Variants in SRD5A2 observed in about 807,000 individuals in gnomAD.
The protein encoded by SRD5A2 is 3-oxo-5-alpha-steroid 4-dehydrogenase 2.
Under a neutral mutation model 27.4 loss-of-function variants are expected in SRD5A2, and 30 were observed. The observed-to-expected ratio is 1.10, with a 90% confidence interval of 0.82 to 1.49. The LOEUF (loss-of-function observed/expected upper bound fraction) is 1.49, where lower values mean the gene tolerates loss of function less well. SRD5A2 is among the 40% of genes most tolerant of loss of function. The pLI is 0.00. For missense variants in SRD5A2, 348 were observed against 323.4 expected (o/e 1.08, Z -0.58); for synonymous variants, 141 against 133.6 (o/e 1.06, Z -0.38).
At chr2:31,589,619 C>T in the SRD5A2 span, among the ~76,000 whole-genome samples, 1 of 152,194 alleles carries the variant, frequency 6.6e-6, no homozygotes, top group South Asian at 2.1e-4. Context: ...CTGGCCTCAT[C>T]TCACAGAGAT....
the SRD5A2 span, among the ~76,000 whole-genome samples, chr2:31,633,791 C>G: frequency 6.6e-6 from 1 of 152,082 alleles, no homozygotes; most frequent in Non-Finnish European, 1.5e-5. Context: ...CTAAGAATCC[C>G]TAAGCCTAGC....
intron 1 of SRD5A2, among the ~76,000 whole-genome samples, chr2:31,536,088 C>T (rs1246671306): frequency 1.3e-5 from 2 of 152,166 alleles, no homozygotes; most frequent in Non-Finnish European, 2.9e-5. Flanking sequence ...GTAACTGATA[C>T]AGGATTGTTG....
chr2:31,609,483 C>T, the SRD5A2 span, among the ~76,000 whole-genome samples: 2 of 152,102 alleles, frequency 1.3e-5, no homozygotes, highest in Non-Finnish European at 2.9e-5. Context: ...AACTGATTTT[C>T]AACAAGGTTG....
chr2:31,651,971 GT>G, the SRD5A2 span: 1 of 152,882 alleles, frequency 6.5e-6, no homozygotes, highest in Non-Finnish European at 1.5e-5. Flanking sequence ...CTGAGTCACA[GT>G]TTTTCTTTTC....
the SRD5A2 span, among the ~76,000 whole-genome samples, chr2:31,642,297 A>G: frequency 6.6e-6 from 1 of 152,088 alleles, no homozygotes; most frequent in Non-Finnish European, 1.5e-5. Context: ...AACTTCAAGA[A>G]GAAAACATAG....
At chr2:31,563,064 T>C (rs1350478991) in intron 1 of SRD5A2, 1 of 152,164 alleles carries the variant, frequency 6.6e-6, no homozygotes, top group Admixed American at 6.6e-5. Flanking sequence ...CTTTATCTCC[T>C]ACTCTATAGT....
chr2:31,610,665 A>T, the SRD5A2 span, among the ~76,000 whole-genome samples: 1 of 152,318 alleles, frequency 6.6e-6, no homozygotes, highest in African/African-American at 2.4e-5. Context: ...AGAAATAAAA[A>T]GCATTCACAC....
intron 1 of SRD5A2, among the ~76,000 whole-genome samples, chr2:31,577,367 T>C (rs538916217): frequency 2.4e-4 from 36 of 152,160 alleles, no homozygotes; most frequent in Non-Finnish European, 4.7e-4. Context: ...AAGTAATTGC[T>C]AGCTCTCCTA....
the SRD5A2 span, among the ~76,000 whole-genome samples, chr2:31,640,177 C>G: frequency 1.7e-4 from 26 of 150,456 alleles, no homozygotes; most frequent in Non-Finnish European, 3.5e-4. Context: ...TTTCTCAGTT[C>G]TCAGCTGTGT....
At chr2:31,586,284 G>T in the SRD5A2 span, among the ~76,000 whole-genome samples, 23 of 152,254 alleles carry the variant, frequency 1.5e-4, no homozygotes, top group African/African-American at 5.1e-4. Context: ...TCTAGTCCCT[G>T]ACTCCTAGAC....
At chr2:31,624,747 C>A in the SRD5A2 span, among the ~76,000 whole-genome samples, 9 of 152,128 alleles carry the variant, frequency 5.9e-5, no homozygotes, top group South Asian at 4.1e-4. Flanking sequence ...TTTCTTAATC[C>A]AGTCTATCAT....
At chr2:31,618,318 A>G in the SRD5A2 span, among the ~76,000 whole-genome samples, 5 of 152,210 alleles carry the variant, frequency 3.3e-5, no homozygotes, top group Non-Finnish European at 7.3e-5. Flanking sequence ...GTGGGAACAC[A>G]GCCAAACCAT....
At chr2:31,560,634 T>C (rs2148088638) in intron 1 of SRD5A2, among the ~76,000 whole-genome samples, 1 of 152,310 alleles carries the variant, frequency 6.6e-6, no homozygotes, top group East Asian at 1.9e-4. Context: ...CTTTCTCCTT[T>C]CCCAGCTTTT....
the SRD5A2 span, among the ~76,000 whole-genome samples, chr2:31,598,200 A>T: frequency 6.6e-6 from 1 of 152,218 alleles, no homozygotes; most frequent in South Asian, 2.1e-4. Flanking sequence ...CTCAGGAATG[A>T]AAAACCAAGC....
At chr2:31,553,098 A>T (rs182127742) in intron 1 of SRD5A2, among the ~76,000 whole-genome samples, 1 of 152,326 alleles carries the variant, frequency 6.6e-6, no homozygotes, top group East Asian at 1.9e-4. Flanking sequence ...GAACCAGACA[A>T]ATTCTGCATC....
intron 1 of SRD5A2, among the ~76,000 whole-genome samples, chr2:31,564,863 A>T (rs1361068428): frequency 1.3e-5 from 2 of 152,000 alleles, no homozygotes. Context: ...AGGTAAAAGG[A>T]AAAAATGATA....
chr2:31,620,561 T>C, the SRD5A2 span, among the ~76,000 whole-genome samples: 2 of 152,054 alleles, frequency 1.3e-5, no homozygotes, highest in African/African-American at 4.8e-5. Context: ...TATTGCGATA[T>C]TTGCTTTATT....
At chr2:31,618,608 T>G in the SRD5A2 span, among the ~76,000 whole-genome samples, 4 of 152,154 alleles carry the variant, frequency 2.6e-5, no homozygotes, top group Non-Finnish European at 5.9e-5. Context: ...CTTACACATA[T>G]GTGGAATCTA....
the SRD5A2 span, chr2:31,651,368 A>G: frequency 4.6e-6 from 1 of 219,646 alleles, no homozygotes; most frequent in Non-Finnish European, 1.0e-5. Flanking sequence ...TGACTTAGTC[A>G]GACAACTAGA....
Sources: gnomAD v4.1 joint callset for allele counts (sites outside exome capture counted in the v4.1 genomes callset) on GRCh38, gnomAD v4.1.1 for gene constraint, MANE v1.5 for transcripts, NCBI Gene and HGNC (gene_info 2026-07-23, HGNC 2026-07-21) for gene names.